The following NTSR1 variants were observed in gnomAD, a reference collection of about 807,000 sequenced individuals.
NTSR1 encodes the protein neurotensin receptor type 1.
A neutral mutation model predicts 31.2 loss-of-function variants in NTSR1; 29 were observed. The ratio of observed to expected loss-of-function variants is 0.93; its 90% CI spans 0.69 to 1.27. The LOEUF (loss-of-function observed/expected upper bound fraction) is 1.27, where lower values mean the gene tolerates loss of function less well. Among genes scored for constraint, NTSR1 ranks in the 50% most tolerant of loss-of-function variants. The probability of loss-of-function intolerance (pLI) is 0.00; values close to 1 mark genes in which losing one functional copy is unlikely to be tolerated. For synonymous variants in NTSR1, 282 were observed against 269.9 expected (o/e 1.04, Z -0.44); for missense variants, 697 against 595.4 (o/e 1.17, Z -1.78).
rs185563441 is a variant in NTSR1 at position 62,720,995 on chromosome 20, T to C, written c.714+11074T>C. On this transcript the variant is annotated intron_variant, in intron 1 of 3. Transcript: ENST00000370501. ...AACCCTATTATGTTTAGAGAACAAA[T>C]GTGCATGATTTAAATTCCTAATTTT... 3.1e-3 allele frequency among the ~76,000 whole-genome samples: 472 copies of C among 152,358 alleles called. 5 individuals are homozygous for C. Among genetic ancestry groups the C allele is most frequent in the African/African-American group, 0.011 (445 of 41,588 alleles).
At chr20:62,712,652 C>T (rs1169159199) in intron 1 of NTSR1, among the ~76,000 whole-genome samples, 1 of 152,216 alleles carries the variant, frequency 6.6e-6, no homozygotes, top group African/African-American at 2.4e-5. Context: ...CTGGTGCCAG[C>T]AGGGTGACTG....
In NTSR1 at chr20:62,749,831, G is replaced by A. The variant is rs150001211; in HGVS notation, c.715-4854G>A. On this transcript the variant is annotated intron_variant, in intron 1 of 3. Coordinates refer to ENST00000370501, the MANE Select transcript of NTSR1 (RefSeq NM_002531.3). ...GACAATGTGGCGAAAAGGGGGCCCC[G>A]GTGCACTGTTGGTGGGAATGTATTA... 2.6e-3 allele frequency among the ~76,000 whole-genome samples: 402 copies of A among 152,218 alleles called. 3 individuals are homozygous for A. The highest frequency in any genetic ancestry group is 9.1e-3 in the African/African-American group (380 of 41,542).
At chr20:62,752,652 G>C (rs1292751461) in intron 1 of NTSR1, among the ~76,000 whole-genome samples, 1 of 152,220 alleles carries the variant, frequency 6.6e-6, no homozygotes, top group African/African-American at 2.4e-5. Context: ...TGTTGGTGAG[G>C]TTGGTATTTT....
At chr20:62,740,559 C>A (rs1178371932) in intron 1 of NTSR1, among the ~76,000 whole-genome samples, 1 of 151,946 alleles carries the variant, frequency 6.6e-6, no homozygotes, top group Non-Finnish European at 1.5e-5. Context: ...AAGGGTTGTG[C>A]CGACAGTCTG....
At chr20:62,727,942 C>T (rs1419037232) in intron 1 of NTSR1, among the ~76,000 whole-genome samples, 1 of 152,260 alleles carries the variant, frequency 6.6e-6, no homozygotes, top group Non-Finnish European at 1.5e-5. Context: ...CCTGCACTCA[C>T]TCACCTCCTG....
chr20:62,725,126 C>T (rs1988884104), intron 1 of NTSR1, among the ~76,000 whole-genome samples: 1 of 152,244 alleles, frequency 6.6e-6, no homozygotes, highest in South Asian at 2.1e-4. Context: ...CTCCCCAAGG[C>T]ACAGGATGGG....
Position 62,709,723 on chromosome 20 carries a change from C to T in NTSR1, c.516C>T (p.His172=), listed in dbSNP as rs1384772521. Residue 172 remains histidine, a synonymous_variant, in exon 1 of 4, where the codon CAC becomes CAT. Transcript: ENST00000370501. ...TGGAGCGCTACCTGGCCATCTGCCACCCCTTCAAGGCCAAGACCCTCATGT... is the reference window on the plus strand; with the variant it reads ...TGGAGCGCTACCTGGCCATCTGCCATCCCTTCAAGGCCAAGACCCTCATGT... ...LSVERYLAIC[H]PFKAKTLMSR... 1.9e-6 allele frequency: 3 copies of T among 1,612,980 alleles called. No homozygotes were observed. In the South Asian group the frequency reaches 3.3e-5, roughly 18 times the overall value.
intron 1 of NTSR1, among the ~76,000 whole-genome samples, chr20:62,726,813 C>T (rs1486362869): frequency 6.6e-6 from 1 of 151,530 alleles, no homozygotes; most frequent in African/African-American, 2.4e-5. Context: ...ACAAGCCTGG[C>T]CCCGGCCGCG....
In NTSR1 at chr20:62,738,007, C is replaced by G. The variant is rs79462873; in HGVS notation, c.715-16678C>G. On this transcript the variant is annotated intron_variant, in intron 1 of 3. Transcript: ENST00000370501. Reference sequence around the variant, plus strand: ...CTCCCCCAGACCACGCTGCATGCCCCCTGGTCCTCCGCAACAGCCGCATCC... The same window carrying G: ...CTCCCCCAGACCACGCTGCATGCCCGCTGGTCCTCCGCAACAGCCGCATCC... Among the ~76,000 whole-genome samples the G allele has an allele frequency of 4.2e-3, 646 of 152,198 alleles. 6 individuals are homozygous for G. The highest frequency in any genetic ancestry group is 0.015 in the African/African-American group (615 of 41,446).
rs140977385 is a variant in NTSR1, at chr20:62,718,059, G to A, written c.714+8138G>A. ...GGTGCAAAGACCCCAGGGCAGGCAC[G>A]TGCTGGGGGTGCTGGAGGAACAGCG... On this transcript the variant is annotated intron_variant, in intron 1 of 3. Transcript: ENST00000370501. Among the ~76,000 whole-genome samples, 561 of 152,298 alleles carry A rather than the reference G, an allele frequency of 3.7e-3. 2 individuals carry two copies. The highest frequency in any genetic ancestry group is 5.8e-3 in the South Asian group (28 of 4,824).
intron 1 of NTSR1, among the ~76,000 whole-genome samples, chr20:62,753,923 A>T (rs1989434573): frequency 6.6e-6 from 1 of 152,206 alleles, no homozygotes; most frequent in Non-Finnish European, 1.5e-5. Context: ...CTACAGAGTC[A>T]CGTCTCAGCC....
At chr20:62,723,334 G>A (rs546851171) in intron 1 of NTSR1, among the ~76,000 whole-genome samples, 3 of 152,228 alleles carry the variant, frequency 2.0e-5, no homozygotes, top group African/African-American at 7.2e-5. Context: ...CAGTTGATTG[G>A]CAGAATCACG....
In NTSR1 at chr20:62,715,254, G is replaced by A. The variant is rs927555554; in HGVS notation, c.714+5333G>A. Among the ~76,000 whole-genome samples the A allele has an allele frequency of 2.6e-5, 4 of 152,216 alleles. No individual in the cohort carries two copies. The highest frequency in any genetic ancestry group is 2.0e-4 in the Admixed American group (3 of 15,288). On this transcript the variant is annotated intron_variant, in intron 1 of 3. Coordinates refer to ENST00000370501, the MANE Select transcript of NTSR1 (RefSeq NM_002531.3). This position sits in a 1 kb window ranked among gnomAD's most constrained non-coding sequence, Gnocchi z 4.7. ...AGGACAGGGAGGTGACCTTGGCCTT[G>A]TTCCAGGCACCAGACCTGCCTGTTG...
chr20:62,709,319 G>C lies in NTSR1; in HGVS notation c.112G>C (p.Ala38Pro), dbSNP rs553876128. Residue 38 changes from alanine (A) to proline (P), a missense_variant, in exon 1 of 4, where the codon GCT (alanine) becomes CCT (proline). Physicochemically the swap from Ala to Pro is conservative, Grantham distance 27. Coordinates refer to ENST00000370501, the MANE Select transcript of NTSR1 (RefSeq NM_002531.3). Reference sequence around the variant, plus strand: ...GCTGCTGGCCCCGGGCTTCGGCAACGCTTCGGGCAACGCGTCGGAGCGCGT... The same window carrying C: ...GCTGCTGGCCCCGGGCTTCGGCAACCCTTCGGGCAACGCGTCGGAGCGCGT... ...EALLAPGFGN[A>P]SGNASERVLA... The C allele has an allele frequency of 1.2e-6, 2 of 1,607,036 alleles. No homozygotes were observed. Among genetic ancestry groups the C allele is most frequent in the Non-Finnish European group, 1.7e-6 (2 of 1,177,992 alleles).
rs8121794 is a variant in NTSR1, at chr20:62,741,671, A to G, written c.715-13014A>G. 0.47 allele frequency among the ~76,000 whole-genome samples: 70,235 copies of G among 149,140 alleles called. 19,509 individuals are homozygous for G. Among genetic ancestry groups the G allele is most frequent in the African/African-American group, 0.69 (27,504 of 39,898 alleles). On this transcript the variant is annotated intron_variant, in intron 1 of 3. Coordinates refer to ENST00000370501, the MANE Select transcript of NTSR1 (RefSeq NM_002531.3). This position sits in a 1 kb window ranked among gnomAD's most constrained non-coding sequence, Gnocchi z 4.3. ...CCAAACCAGAAGAAAAGTGCAGGGA[A>G]CAGAGTGGAGGAGCCATGGACAGAG...
In NTSR1 at chr20:62,758,467, G is replaced by A; in HGVS notation, c.1007+111G>A. The A allele has an allele frequency of 1.0e-6, 1 of 960,284 alleles. No individual in the cohort carries two copies. Among genetic ancestry groups the A allele is most frequent in the Non-Finnish European group, 1.6e-6 (1 of 623,956 alleles). The allele number at this position is 960,284 out of a possible 1,614,324, so 59.5% of individuals were successfully genotyped here. A position where few individuals can be genotyped will look rare whatever the true frequency, so the allele number is the denominator to read the frequency against. Reference sequence around the variant, plus strand: ...GATCCACTCAGGGCAGGGGTGTGGTGAGTCCCCCGGCGACCCCCTGGGCAG... The same window carrying A: ...GATCCACTCAGGGCAGGGGTGTGGTAAGTCCCCCGGCGACCCCCTGGGCAG... On this transcript the variant is annotated intron_variant, in intron 3 of 3. Coordinates refer to ENST00000370501, the MANE Select transcript of NTSR1 (RefSeq NM_002531.3). The surrounding 1 kb of genome is among the most constrained non-coding windows in gnomAD (Gnocchi z 4.5).
intron 1 of NTSR1, among the ~76,000 whole-genome samples, chr20:62,737,712 C>G (rs1454422132): frequency 2.0e-5 from 3 of 152,076 alleles, no homozygotes; most frequent in Admixed American, 2.0e-4. Flanking sequence ...CAGGCCACAC[C>G]TGGGTCCCTC....
At chr20:62,728,597 C>G (rs1168336050) in intron 1 of NTSR1, among the ~76,000 whole-genome samples, 11 of 152,190 alleles carry the variant, frequency 7.2e-5, no homozygotes, top group Non-Finnish European at 1.5e-4. Context: ...CTCTGCCTGC[C>G]GGAGGCTGGG....
Position 62,709,167 on chromosome 20 carries a change from C to T in NTSR1, c.-41C>T. ...GCCCACTCCTGCCCGGACTTCCAGC[C>T]CCGGAGGCGCCGGACAGAGCCGCGG... On this transcript the variant is annotated 5_prime_UTR_variant, in exon 1 of 4. Coordinates refer to ENST00000370501, the MANE Select transcript of NTSR1 (RefSeq NM_002531.3). The T allele has an allele frequency of 7.4e-7, 1 of 1,360,428 alleles. No individual in the cohort carries two copies. The highest frequency in any genetic ancestry group is 9.5e-7 in the Non-Finnish European group (1 of 1,055,956). The allele number at this position is 1,360,428 out of a possible 1,614,324, so 84.3% of individuals were successfully genotyped here. A position where few individuals can be genotyped will look rare whatever the true frequency, so the allele number is the denominator to read the frequency against.
Sources: gnomAD v4.1 joint callset for allele counts (sites outside exome capture counted in the v4.1 genomes callset) on GRCh38, gnomAD v4.1.1 for gene constraint, Gnocchi (gnomAD v3.1) non-coding constraint, MANE v1.5 for transcripts, NCBI Gene and HGNC (gene_info 2026-07-23, HGNC 2026-07-21) for gene names.